The following TBCD variants were observed in gnomAD, a reference collection of about 807,000 sequenced individuals.
The protein encoded by TBCD is tubulin-specific chaperone D.
Under a neutral mutation model 169.3 loss-of-function variants are expected in TBCD, and 105 were observed. That is an observed-to-expected ratio of 0.62 (90% CI 0.53 to 0.73). TBCD has a LOEUF of 0.73. Among genes scored for constraint, TBCD ranks in the 30% least tolerant of loss-of-function variants. TBCD has a pLI of 0.00. For synonymous variants in TBCD, 700 were observed against 643.9 expected, an observed-to-expected ratio of 1.09 and a Z score of -1.32; for missense variants, 1,444 against 1,600.1, an observed-to-expected ratio of 0.90 and a Z score of 1.66.
chr17:82,838,598 CTG>C, intron 13 of TBCD: 1 of 969,056 alleles, frequency 1.0e-6, no homozygotes, highest in Non-Finnish European at 1.2e-6. Flanking sequence ...CGCCTACCCA[CTG>C]TGATGTCGCA....
intron 12 of TBCD, among the ~76,000 whole-genome samples, chr17:82,810,254 C>G (rs547727623): frequency 6.6e-6 from 1 of 152,218 alleles, no homozygotes; most frequent in Non-Finnish European, 1.5e-5. Context: ...CCTGTGAATT[C>G]AAGACCAGCC....
At position 82,831,431 on chromosome 17, in the gene TBCD, T is replaced by G. The variant is rs772477047; in HGVS notation, c.1318+16497T>G. 6.2e-7 allele frequency: 1 copy of G among 1,614,100 alleles called. No individual in the cohort carries two copies. Among genetic ancestry groups the G allele is most frequent in the Non-Finnish European group, 8.5e-7 (1 of 1,179,992 alleles). On this transcript the variant is annotated intron_variant, in intron 13 of 38. Coordinates refer to ENST00000355528, the MANE Select transcript of TBCD (RefSeq NM_005993.5). This position sits in a 1 kb window ranked among gnomAD's most constrained non-coding sequence, Gnocchi z 4.6. ...AGCAGGTGAGAGCTCTGATCTCGGG[T>G]GAGGCCAGTGACAGGTGGGAGTCTG...
At position 82,832,131 on chromosome 17, in the gene TBCD, C is replaced by T; in HGVS notation, c.1318+17197C>T. On this transcript the variant is annotated intron_variant, in intron 13 of 38. Transcript: ENST00000355528. This position sits in a 1 kb window ranked among gnomAD's most constrained non-coding sequence, Gnocchi z 4.9. ...GCTCCAGGTTTTCCTTGATGTCTTC[C>T]CTGGCAGAGCTGTGCTGAAGCTTCG... 6.2e-7 allele frequency: 1 copy of T among 1,614,200 alleles called. No individual in the cohort carries two copies. The highest frequency in any genetic ancestry group is 2.2e-5 in the East Asian group (1 of 44,876).
rs946939044 is a variant in TBCD at position 82,920,766 on chromosome 17, A to G, written c.2101+148A>G. On this transcript the variant is annotated intron_variant, in intron 24 of 38. Transcript: ENST00000355528. The surrounding 1 kb of genome is among the most constrained non-coding windows in gnomAD (Gnocchi z 4.1). ...TCGGATACGTTGCCTTGAAGTTGTT[A>G]CAAGAACCTGCTTAAATAATGGGTA... The G allele has an allele frequency of 3.4e-5, 27 of 794,320 alleles. No homozygotes were observed. The highest frequency in any genetic ancestry group is 4.9e-5 in the Non-Finnish European group (25 of 506,902). 49.2% of individuals were successfully genotyped at this position (794,320 alleles called of 1,614,324 possible).
At chr17:82,928,388 C>T (rs1256816185) in intron 30 of TBCD, among the ~76,000 whole-genome samples, 3 of 152,232 alleles carry the variant, frequency 2.0e-5, no homozygotes, top group African/African-American at 7.2e-5. Flanking sequence ...GTTCCCTGCA[C>T]CTGAGGCTGC....
Position 82,923,625 on chromosome 17 carries a change from G to C in TBCD, c.2179-27G>C. 6.5e-7 allele frequency: 1 copy of C among 1,546,816 alleles called. No individual in the cohort carries two copies. Among genetic ancestry groups the C allele is most frequent in the Non-Finnish European group, 8.8e-7 (1 of 1,141,900 alleles). The stretch of plus-strand genomic sequence containing the variant: ...GGGCTTCTCCGAGCAGAGCTGCTGT[G>C]CGCTCACCGTGCTGCCTTTGTTTTA... On this transcript the variant is annotated intron_variant, in intron 25 of 38. Coordinates refer to ENST00000355528, the MANE Select transcript of TBCD (RefSeq NM_005993.5). The surrounding 1 kb of genome is among the most constrained non-coding windows in gnomAD (Gnocchi z 4.6).
intron 17 of TBCD, among the ~76,000 whole-genome samples, chr17:82,899,094 G>A (rs975519293): frequency 2.6e-5 from 4 of 152,274 alleles, no homozygotes; most frequent in African/African-American, 4.8e-5. Flanking sequence ...AGCGTAGTGC[G>A]CCTGGGGACC....
At chr17:82,793,743 C>G (rs955693741) in intron 7 of TBCD, among the ~76,000 whole-genome samples, 4 of 152,146 alleles carry the variant, frequency 2.6e-5, no homozygotes, top group African/African-American at 7.2e-5. Context: ...GTCCTGTGGC[C>G]CCTCTGTGTG....
chr17:82,753,868 G>GTTTTTTTT (rs57196730), intron 1 of TBCD, among the ~76,000 whole-genome samples: 70 of 125,284 alleles, frequency 5.6e-4, no homozygotes, highest in African/African-American at 1.8e-3. Flanking sequence ...TAGACTAGAG[G>GTTTTTTTT]TTTTTTTTTT....
intron 1 of TBCD, among the ~76,000 whole-genome samples, chr17:82,755,718 TA>T (rs1299239120): frequency 1.3e-5 from 2 of 152,166 alleles, no homozygotes; most frequent in Admixed American, 6.5e-5. Context: ...GTTAGATGGC[TA>T]GGGGGCTTAG....
intron 11 of TBCD, 123 bp downstream of exon 11, chr17:82,807,791 A>T: frequency 1.6e-6 from 1 of 645,050 alleles, no homozygotes; most frequent in South Asian, 4.6e-5. Flanking sequence ...GCCCCCTCCA[A>T]CTTATGTGTG....
chr17:82,834,040 GT>G (rs1251306133), intron 13 of TBCD, among the ~76,000 whole-genome samples: 1 of 152,156 alleles, frequency 6.6e-6, no homozygotes, highest in Non-Finnish European at 1.5e-5. Flanking sequence ...CGCCTCCTGG[GT>G]TCAAGCGATT....
At chr17:82,774,584 G>A (rs1052021333) in intron 6 of TBCD, among the ~76,000 whole-genome samples, 2 of 152,162 alleles carry the variant, frequency 1.3e-5, no homozygotes, top group African/African-American at 4.8e-5. Context: ...AGACGGGGTG[G>A]CAGCCGGGCA....
At chr17:82,886,750 A>C (rs1164025119) in intron 15 of TBCD, among the ~76,000 whole-genome samples, 5 of 137,236 alleles carry the variant, frequency 3.6e-5, no homozygotes, top group African/African-American at 1.3e-4. Flanking sequence ...GCTTATTGCA[A>C]CCTCGGCCTC....
chr17:82,899,218 GCA>G (rs2059709441), intron 17 of TBCD, among the ~76,000 whole-genome samples: 1 of 143,704 alleles, frequency 7.0e-6, no homozygotes, highest in African/African-American at 2.5e-5. Flanking sequence ...TGCGTCCTCA[GCA>G]TGTGTCCTCA....
intron 13 of TBCD, among the ~76,000 whole-genome samples, chr17:82,836,880 T>G (rs1422229952): frequency 6.6e-6 from 1 of 152,206 alleles, no homozygotes; most frequent in African/African-American, 2.4e-5. Context: ...AGATTTGCCC[T>G]TTTGTTCTTT....
intron 7 of TBCD, among the ~76,000 whole-genome samples, chr17:82,796,297 C>G (rs2144595549): frequency 6.6e-6 from 1 of 152,332 alleles, no homozygotes; most frequent in East Asian, 1.9e-4. Flanking sequence ...GGTTAAAACA[C>G]ATATTAAATT....
chr17:82,781,342 C>T (rs1419214419), intron 6 of TBCD, among the ~76,000 whole-genome samples: 8 of 150,774 alleles, frequency 5.3e-5, no homozygotes, highest in African/African-American at 2.0e-4. Context: ...AGTAGGCCTG[C>T]GACCTGAGAG....
chr17:82,780,801 C>T (rs1028372482), intron 6 of TBCD, among the ~76,000 whole-genome samples: 1 of 151,894 alleles, frequency 6.6e-6, no homozygotes, highest in Non-Finnish European at 1.5e-5. Flanking sequence ...CACAGCACCA[C>T]ACCCGGCTAA....
Sources: allele counts gnomAD v4.1 joint callset (sites outside exome capture counted in the v4.1 genomes callset), GRCh38; gene constraint gnomAD v4.1.1; non-coding constraint Gnocchi (gnomAD v3.1); transcripts MANE v1.5; gene names NCBI Gene and HGNC (gene_info 2026-07-23, HGNC 2026-07-21).